The following TSR3 variants were observed in gnomAD, a reference collection of about 807,000 sequenced individuals.
TSR3 encodes TSR3 ribosome maturation factor.
Under a neutral mutation model 28.1 loss-of-function variants are expected in TSR3, and 31 were observed. The ratio of observed to expected loss-of-function variants is 1.10; its 90% CI spans 0.83 to 1.49. The LOEUF is 1.49. TSR3 is among the 40% of genes most tolerant of loss of function. TSR3 has a pLI of 0.00. For synonymous variants in TSR3, 219 were observed against 197.2 expected, an observed-to-expected ratio of 1.11 and a Z score of -0.93; for missense variants, 511 against 444.0, an observed-to-expected ratio of 1.15 and a Z score of -1.36.
chr16:1,351,683 C>T lies in TSR3; in HGVS notation c.112+10G>A, dbSNP rs1411734720. 1 of 1,385,746 alleles carries T rather than the reference C, an allele frequency of 7.2e-7. No individual in the cohort carries two copies. Among genetic ancestry groups the T allele is most frequent in the Non-Finnish European group, 9.3e-7 (1 of 1,076,024 alleles). The allele number at this position is 1,385,746 out of a possible 1,614,324, so 85.8% of individuals were successfully genotyped here. On this transcript the variant is annotated intron_variant, in intron 1 of 5. Transcript: ENST00000007390. ...ACCCTGACCCGCTCTCCCCATCACG[C>T]CTCGCTCACCCTGCAGCGCGGCGCC...
At chr16:1,349,999 C>A (rs377633003) in intron 4 of TSR3, 47 bp from the exon 5 acceptor site, 1 of 1,611,962 alleles carries the variant, frequency 6.2e-7, no homozygotes, top group Non-Finnish European at 8.5e-7. Flanking sequence ...CAGAGCAGGA[C>A]CAGGCCTCCC....
In TSR3 at chr16:1,351,557, C is replaced by G. The variant is rs2034681142; in HGVS notation, c.154G>C (p.Gly52Arg). Residue 52 changes from glycine to arginine, a missense_variant, in exon 2 of 6, where the codon GGC (glycine) becomes CGC (arginine). Transcript: ENST00000007390. ...PGAADGEGGP[G>R]PAALPCTLAM... is the part of the protein sequence containing the mutation. The stretch of plus-strand genomic sequence containing the variant: ...AGCGTGCAGGGCAGCGCCGCCGGGC[C>G]CGGGCCGCCCTCGCCGTCAGCCGCC... 1 of 1,476,272 alleles carries G rather than the reference C, an allele frequency of 6.8e-7. No homozygotes were observed. The highest frequency in any genetic ancestry group is 8.9e-7 in the Non-Finnish European group (1 of 1,122,852). 91.4% of individuals were successfully genotyped at this position (1,476,272 alleles called of 1,614,324 possible).
chr16:1,349,962 G>A lies in TSR3; in HGVS notation c.704-10C>T. ...TCCACATCGAAGGGATCTGAGCCGA[G>A]AGAGGAAAGTGGCCTCTAAGTGAGC... On this transcript the variant is annotated splice_polypyrimidine_tract_variant and intron_variant, in intron 4 of 5. Transcript: ENST00000007390. 6.2e-7 allele frequency: 1 copy of A among 1,612,570 alleles called. No homozygotes were observed. Among genetic ancestry groups the A allele is most frequent in the South Asian group, 1.1e-5 (1 of 91,076 alleles).
rs1043954306 is a variant in TSR3 at position 1,350,368 on chromosome 16, G to T, written c.527-134C>A. 4 of 992,340 alleles carry T rather than the reference G, an allele frequency of 4.0e-6. No homozygotes were observed. The South Asian group carries it at 5.1e-5, about 13-fold the overall frequency. 61.5% of individuals were successfully genotyped at this position (992,340 alleles called of 1,614,324 possible). A position where few individuals can be genotyped will look rare whatever the true frequency, so the allele number is the denominator to read the frequency against. ...CCAGCAAACATCAGCTCACAGTCCT[G>T]AGAACCCGTGCTGCCCCCAGCCTGC... On this transcript the variant is annotated intron_variant, in intron 3 of 5. Transcript: ENST00000007390.
rs767159335 is a variant in TSR3 at position 1,350,146 on chromosome 16, G to A, written c.615C>T (p.Tyr205=). 2.7e-5 allele frequency: 44 copies of A among 1,612,158 alleles called. No homozygotes were observed. Among genetic ancestry groups the A allele is most frequent in the East Asian group, 1.6e-4 (7 of 44,882 alleles). Residue 205 remains tyrosine (Y), a synonymous_variant, in exon 4 of 6, where the codon TAC becomes TAT. Coordinates refer to ENST00000007390, the MANE Select transcript of TSR3 (RefSeq NM_001001410.3). ...CCTCCTCCGGGCTGCCGCAGGCCGC[G>A]TACTTGTCCAGGAGCTGGCGGTTCA... is the stretch of plus-strand genomic sequence containing the variant. ...LDLNRQLLDK[Y]AACGSPEEVL...
chr16:1,350,845 G>C lies in TSR3; in HGVS notation c.488C>G (p.Ser163Cys). ...PVNYGRPYRL[S>C]CVEAFAATFC... ...GGTGGCAGCAAACGCTTCCACGCAG[G>C]AAAGTCTGTAGGGCCGGCCATAGTT... Residue 163 changes from serine to cysteine, a missense_variant, in exon 3 of 6, where the codon TCC (serine) becomes TGC (cysteine). Transcript: ENST00000007390. 1.2e-6 allele frequency: 2 copies of C among 1,613,054 alleles called. No individual in the cohort carries two copies. Among genetic ancestry groups the C allele is most frequent in the Non-Finnish European group, 1.7e-6 (2 of 1,179,980 alleles).
Position 1,349,445 on chromosome 16 carries a change from T to C in TSR3, c.931A>G (p.Arg311Gly), listed in dbSNP as rs757903636. Residue 311 changes from arginine to glycine, a missense_variant, in exon 6 of 6, where the codon AGA (arginine) becomes GGA (glycine). By Grantham distance (125) the Arg-to-Gly change is moderately radical. Coordinates refer to ENST00000007390, the MANE Select transcript of TSR3 (RefSeq NM_001001410.3). ...EVWKGIKKRQ[R>G]D ...ATATGTGTCTGCAACCCTCAGTCTC[T>C]CTGCCGTTTCTTGATTCCTTTCCAA... is the stretch of plus-strand genomic sequence containing the variant. 17 of 1,613,614 alleles carry C rather than the reference T, an allele frequency of 1.1e-5. No homozygotes were observed. In the South Asian group the frequency reaches 1.2e-4, roughly 11 times the overall value.
rs542230207 is a variant in TSR3, at chr16:1,351,495, G to C, written c.216C>G (p.Arg72=). 1.3e-6 allele frequency: 2 copies of C among 1,559,778 alleles called. No individual in the cohort carries two copies. Among genetic ancestry groups the C allele is most frequent in the Admixed American group, 1.8e-5 (1 of 54,496 alleles). The stretch of plus-strand genomic sequence containing the variant: ...GGCGGGCCAGCTTGCGGCCCGTGCA[G>C]CGCCGGGGGTCGCAGTGGCCCAACT... ...MWELGHCDPR[R]CTGRKLARLG... The change falls in exon 2 of 6, where the codon CGC becomes CGG. Residue 72 remains arginine, a synonymous_variant. Transcript: ENST00000007390.
Position 1,349,929 on chromosome 16 carries a change from T to C in TSR3, c.727A>G (p.Arg243Gly), listed in dbSNP as rs1470872373. The C allele has an allele frequency of 6.2e-7, 1 of 1,613,532 alleles. No homozygotes were observed. The highest frequency in any genetic ancestry group is 1.3e-5 in the African/African-American group (1 of 75,010). ...EIDPFDVDSG[R>G]EFGNPNRPVA... ...GGCCTGTTGGGGTTTCCAAACTCTC[T>C]CCCTGAATCCACATCGAAGGGATCT... is the stretch of plus-strand genomic sequence containing the variant. The change falls in exon 5 of 6, where the codon AGA becomes GGA. Residue 243 changes from arginine to glycine, a missense_variant. Physicochemically the swap from Arg to Gly is moderately radical, Grantham distance 125. Coordinates refer to ENST00000007390, the MANE Select transcript of TSR3 (RefSeq NM_001001410.3).
chr16:1,349,882 G>T lies in TSR3; in HGVS notation c.767+7C>A. 1 of 1,613,672 alleles carries T rather than the reference G, an allele frequency of 6.2e-7. No individual in the cohort carries two copies. Among genetic ancestry groups the T allele is most frequent in the Non-Finnish European group, 8.5e-7 (1 of 1,179,974 alleles). ...GAGTGATCATGAAATTAAGCCCAAG[G>T]ACCTACCGGGTGCTGGCCACAGGCC... is the stretch of plus-strand genomic sequence containing the variant. On this transcript the variant is annotated splice_region_variant and intron_variant, in intron 5 of 5. Coordinates refer to ENST00000007390, the MANE Select transcript of TSR3 (RefSeq NM_001001410.3).
At chr16:1,350,519 G>A (rs2034642042) in intron 3 of TSR3, among the ~76,000 whole-genome samples, 2 of 152,074 alleles carry the variant, frequency 1.3e-5, no homozygotes, top group East Asian at 3.9e-4. Flanking sequence ...AATTCAGTAA[G>A]GAGGACGTGG....
rs773695433 is a variant in TSR3, at chr16:1,350,980, C to G, written c.353G>C (p.Gly118Ala). 3 of 1,611,920 alleles carry G rather than the reference C, an allele frequency of 1.9e-6. No homozygotes were observed. The South Asian group carries it at 3.3e-5, about 18-fold the overall frequency. The change falls in exon 3 of 6, where the codon GGG becomes GCG. Residue 118 changes from glycine (G) to alanine (A), a missense_variant. By Grantham distance (60) the Gly-to-Ala change is moderately conservative. Coordinates refer to ENST00000007390, the MANE Select transcript of TSR3 (RefSeq NM_001001410.3). ...CCAGGAGCAGTCGATGACGGCGACC[C>G]CAGACTGCGCCACCAGCTGTCTGCC... is the stretch of plus-strand genomic sequence containing the variant. The part of the protein sequence containing the change: ...PADRQLVAQS[G>A]VAVIDCSWAR...
In TSR3 at chr16:1,351,832, C is replaced by T. The variant is rs570065824; in HGVS notation, c.-28G>A. ...CGCGGACCTGGGGTGCCGGGGACTCCCCACCCCACGGCCGCGCCCCTCGGC... is the reference window on the plus strand; with the variant it reads ...CGCGGACCTGGGGTGCCGGGGACTCTCCACCCCACGGCCGCGCCCCTCGGC... On this transcript the variant is annotated 5_prime_UTR_variant, in exon 1 of 6. Coordinates refer to ENST00000007390, the MANE Select transcript of TSR3 (RefSeq NM_001001410.3). 4 of 1,291,774 alleles carry T rather than the reference C, an allele frequency of 3.1e-6. No individual in the cohort carries two copies. In the African/African-American group the frequency reaches 4.7e-5, roughly 15 times the overall value. 80.0% of individuals were successfully genotyped at this position (1,291,774 alleles called of 1,614,324 possible).
In TSR3 at chr16:1,351,295, G is replaced by C. The variant is rs1257940086; in HGVS notation, c.332+84C>G. The C allele has an allele frequency of 2.7e-5, 38 of 1,390,814 alleles. No homozygotes were observed. The East Asian group carries it at 5.8e-4, about 21-fold the overall frequency. The allele number at this position is 1,390,814 out of a possible 1,614,324, so 86.2% of individuals were successfully genotyped here. A position where few individuals can be genotyped will look rare whatever the true frequency, so the allele number is the denominator to read the frequency against. Reference sequence around the variant, plus strand: ...CCCACGTGGGTGTGGATGTGGGTGCGACATACAAGTGCCACTAAACCATCC... The same window carrying C: ...CCCACGTGGGTGTGGATGTGGGTGCCACATACAAGTGCCACTAAACCATCC... On this transcript the variant is annotated intron_variant, in intron 2 of 5. Coordinates refer to ENST00000007390, the MANE Select transcript of TSR3 (RefSeq NM_001001410.3).
chr16:1,350,691 TC>T (rs2034647436), intron 3 of TSR3, 115 bp downstream of exon 3: 4 of 1,243,558 alleles, frequency 3.2e-6, no homozygotes, highest in Admixed American at 2.1e-5. Flanking sequence ...TCTGAACTGT[TC>T]CCCTGTCCGT....
Position 1,351,839 on chromosome 16 carries a change from C to A in TSR3, c.-35G>T, listed in dbSNP as rs1464825679. On this transcript the variant is annotated 5_prime_UTR_variant, in exon 1 of 6. Coordinates refer to ENST00000007390, the MANE Select transcript of TSR3 (RefSeq NM_001001410.3). ...CTGGGGTGCCGGGGACTCCCCACCC[C>A]ACGGCCGCGCCCCTCGGCCTCCCAA... 3 of 1,282,324 alleles carry A rather than the reference C, an allele frequency of 2.3e-6. No individual in the cohort carries two copies. The African/African-American group carries it at 4.7e-5, about 20-fold the overall frequency. 79.4% of individuals were successfully genotyped at this position (1,282,324 alleles called of 1,614,324 possible).
chr16:1,349,973 G>A, intron 4 of TSR3, 21 bp from the exon 5 acceptor site: 1 of 1,613,128 alleles, frequency 6.2e-7, no homozygotes, highest in Non-Finnish European at 8.5e-7. Flanking sequence ...AGAGGAAAGT[G>A]GCCTCTAAGT....
At chr16:1,351,087 A>G in intron 2 of TSR3, 87 bp from the exon 3 acceptor site, 1 of 1,395,604 alleles carries the variant, frequency 7.2e-7, no homozygotes, top group Non-Finnish European at 9.8e-7. Context: ...TAAGGGATTC[A>G]GGGACATCAT....
chr16:1,349,407 C>G lies in TSR3; in HGVS notation c.*30G>C, dbSNP rs767414658. 68 of 1,612,976 alleles carry G rather than the reference C, an allele frequency of 4.2e-5. 1 individual carries two copies. In the South Asian group the frequency reaches 7.4e-4, roughly 17 times the overall value. On this transcript the variant is annotated 3_prime_UTR_variant, in exon 6 of 6. Coordinates refer to ENST00000007390, the MANE Select transcript of TSR3 (RefSeq NM_001001410.3). ...CATGTCTCTAGATTTTCTCGTCACC[C>G]AGCCTCAAAAATATATGTGTCTGCA...
Sources: allele counts gnomAD v4.1 joint callset (sites outside exome capture counted in the v4.1 genomes callset), GRCh38; gene constraint gnomAD v4.1.1; transcripts MANE v1.5; gene names NCBI Gene and HGNC (gene_info 2026-07-23, HGNC 2026-07-21).